DOP1A: variants seen among roughly 807,000 people sequenced by gnomAD.
DOP1A encodes the protein protein DOP1A.
A neutral mutation model predicts 267.6 loss-of-function variants in DOP1A; 90 were observed. The observed-to-expected ratio is 0.34, with a 90% CI of 0.28 to 0.40. The LOEUF (loss-of-function observed/expected upper bound fraction) is 0.40, where lower values mean the gene tolerates loss of function less well. Ranked by LOEUF, DOP1A falls within the 10% of genes least tolerant of loss-of-function variation. The probability of loss-of-function intolerance (pLI) is 1.00; values close to 1 mark genes in which losing one functional copy is unlikely to be tolerated. For missense variants in DOP1A, 2,437 were observed against 2,900.4 expected (o/e 0.84, Z 3.67); for synonymous variants, 932 against 999.1 (o/e 0.93, Z 1.27).
intron 1 of DOP1A, among the ~76,000 whole-genome samples, chr6:83,077,440 A>T (rs1380774192): frequency 1.3e-5 from 2 of 152,210 alleles, no homozygotes; most frequent in African/African-American, 4.8e-5. Flanking sequence ...AGGCCAGGGC[A>T]GGAGGATCGT....
intron 1 of DOP1A, among the ~76,000 whole-genome samples, chr6:83,076,883 G>A (rs1237494332): frequency 6.6e-6 from 1 of 152,156 alleles, no homozygotes; most frequent in Non-Finnish European, 1.5e-5. Flanking sequence ...TGCATCTATG[G>A]ATTAATGGAT....
chr6:83,076,730 T>TA (rs1316683814), intron 1 of DOP1A, among the ~76,000 whole-genome samples: 1 of 152,104 alleles, frequency 6.6e-6, no homozygotes, highest in Admixed American at 6.5e-5. Context: ...AAAAAAAGTT[T>TA]AAAAAATTAC....
At position 83,168,216 on chromosome 6, in the gene DOP1A, AAC is replaced by A. The variant is rs755985334; in HGVS notation, c.*58_*59del. 1 of 1,563,082 alleles carries A rather than the reference AAC, an allele frequency of 6.4e-7. No individual in the cohort carries two copies. The highest frequency in any genetic ancestry group is 2.3e-5 in the East Asian group (1 of 43,966). Reference sequence around the variant, plus strand: ...CTTACATGTAAATGTAATTATTTAAAACACACACACTGCTCTGCGTTGTATAG... The same window carrying A: ...CTTACATGTAAATGTAATTATTTAAAACACACACTGCTCTGCGTTGTATAG... On this transcript the variant is annotated 3_prime_UTR_variant, in exon 39 of 39. Transcript: ENST00000349129.
At chr6:83,082,511 G>A (rs1348894245) in intron 1 of DOP1A, among the ~76,000 whole-genome samples, 1 of 152,144 alleles carries the variant, frequency 6.6e-6, no homozygotes, top group Admixed American at 6.5e-5. Context: ...GGCTGGGGTG[G>A]TTTGAGGAAA....
intron 35 of DOP1A, among the ~76,000 whole-genome samples, chr6:83,157,718 T>C (rs1219607134): frequency 6.6e-6 from 1 of 152,178 alleles, no homozygotes; most frequent in South Asian, 2.1e-4. Flanking sequence ...ATATTACATA[T>C]ACTCACTCTT....
intron 7 of DOP1A, among the ~76,000 whole-genome samples, chr6:83,115,091 G>A (rs1775200533): frequency 6.6e-6 from 1 of 152,110 alleles, no homozygotes; most frequent in Admixed American, 6.5e-5. Context: ...GATGATAGTT[G>A]TTAGGAACTT....
At chr6:83,085,962 T>C (rs1769149915) in intron 1 of DOP1A, among the ~76,000 whole-genome samples, 3 of 152,196 alleles carry the variant, frequency 2.0e-5, no homozygotes, top group Admixed American at 2.0e-4. Flanking sequence ...CAGGAATCAG[T>C]GGTGTGCTGG....
intron 21 of DOP1A, among the ~76,000 whole-genome samples, chr6:83,139,778 A>G (rs1437208298): frequency 2.0e-5 from 3 of 152,094 alleles, no homozygotes; most frequent in Non-Finnish European, 4.4e-5. Flanking sequence ...TTTATTTTGT[A>G]TAGAATTCTT....
chr6:83,137,696 T>A lies in DOP1A; in HGVS notation c.3654T>A (p.Ser1218=), dbSNP rs1057073077. 3 of 1,613,606 alleles carry A rather than the reference T, an allele frequency of 1.9e-6. No homozygotes were observed. Among genetic ancestry groups the A allele is most frequent in the Non-Finnish European group, 2.5e-6 (3 of 1,179,786 alleles). Residue 1218 remains serine (S), a synonymous_variant, in exon 21 of 39, where the codon TCT becomes TCA. Transcript: ENST00000349129. ...GTAATGAAAGTTCTCAGTTTCTGTC[T>A]GTGTCTGCAGAGGGAGGCCATGAGT... ...LLSNESSQFL[S]VSAEGGHECV...
At chr6:83,160,433 T>C (rs1361382917) in intron 37 of DOP1A, among the ~76,000 whole-genome samples, 1 of 152,174 alleles carries the variant, frequency 6.6e-6, no homozygotes, top group Non-Finnish European at 1.5e-5. Context: ...GAGCAGAATG[T>C]TAAGAAGAAG....
intron 25 of DOP1A, among the ~76,000 whole-genome samples, chr6:83,146,945 A>C (rs530123523): frequency 3.3e-5 from 5 of 152,308 alleles, no homozygotes; most frequent in African/African-American, 1.2e-4. Context: ...TATAGAGTAC[A>C]TGAATCATTT....
downstream of DOP1A, chr6:83,168,873 C>G: frequency 9.5e-7 from 1 of 1,049,130 alleles, no homozygotes; most frequent in Non-Finnish European, 1.2e-6. Context: ...CATCATCTTG[C>G]TCATGTGATG....
intron 16 of DOP1A, 79 bp downstream of exon 16, chr6:83,129,587 T>C (rs1048493787): frequency 3.7e-6 from 5 of 1,336,044 alleles, no homozygotes; most frequent in African/African-American, 3.0e-5. Context: ...CACTCAAAAC[T>C]GGGGTTTTTT....
At chr6:83,129,640 T>TA in intron 16 of DOP1A, 132 bp downstream of exon 16, 2 of 883,264 alleles carry the variant, frequency 2.3e-6, no homozygotes, top group Non-Finnish European at 3.1e-6. Flanking sequence ...CAAGTTTTTT[T>TA]AAAAATGAAA....
At chr6:83,165,075 G>A in intron 38 of DOP1A, 1 of 179,482 alleles carries the variant, frequency 5.6e-6, no homozygotes, top group Non-Finnish European at 1.2e-5. Flanking sequence ...CTATATAGAG[G>A]GTACAAGGAT....
chr6:83,079,963 A>G (rs1767803260), intron 1 of DOP1A, among the ~76,000 whole-genome samples: 1 of 152,124 alleles, frequency 6.6e-6, no homozygotes, highest in Admixed American at 6.5e-5. Flanking sequence ...CATTATTCTC[A>G]TGTCTTACCT....
At chr6:83,084,907 A>C (rs976585032) in intron 1 of DOP1A, among the ~76,000 whole-genome samples, 9 of 152,066 alleles carry the variant, frequency 5.9e-5, no homozygotes, top group African/African-American at 1.4e-4. Context: ...GGATTTTTTA[A>C]ATCTCCTTTC....
Position 83,138,700 on chromosome 6 carries a change from T to C in DOP1A, c.4658T>C (p.Val1553Ala). The C allele has an allele frequency of 3.7e-6, 6 of 1,614,046 alleles. No individual in the cohort carries two copies. Among genetic ancestry groups the C allele is most frequent in the Non-Finnish European group, 5.1e-6 (6 of 1,179,958 alleles). Residue 1553 changes from valine to alanine, a missense_variant, in exon 21 of 39, where the codon GTT becomes GCT. Transcript: ENST00000349129. The stretch of plus-strand genomic sequence containing the variant: ...GAAAAAATGGCAGGTAAGAACCTGG[T>C]TGCTGTGGAAGAAGGTTTCTCAGAG... ...HSEKMAGKNL[V>A]AVEEGFSEDS...
At chr6:83,083,285 A>G (rs1019277684) in intron 1 of DOP1A, among the ~76,000 whole-genome samples, 1 of 152,052 alleles carries the variant, frequency 6.6e-6, no homozygotes, top group Admixed American at 6.5e-5. Context: ...TAACATATGT[A>G]TTTACATTAT....
Sources: allele counts gnomAD v4.1 joint callset (sites outside exome capture counted in the v4.1 genomes callset), GRCh38; gene constraint gnomAD v4.1.1; transcripts MANE v1.5; gene names NCBI Gene and HGNC (gene_info 2026-07-23, HGNC 2026-07-21).